Variants in HECW1 observed in about 807,000 individuals in gnomAD.
The protein encoded by HECW1 is E3 ubiquitin-protein ligase HECW1.
Under a neutral mutation model 182.3 loss-of-function variants are expected in HECW1, and 61 were observed. The ratio of observed to expected loss-of-function variants is 0.33; its 90% CI spans 0.27 to 0.41. The LOEUF (loss-of-function observed/expected upper bound fraction) is 0.41, where lower values mean the gene tolerates loss of function less well. HECW1 is among the 10% of genes least tolerant of loss of function. The pLI is 1.00. For synonymous variants in HECW1, 859 were observed against 832.6 expected (o/e 1.03, Z -0.55); for missense variants, 1,739 against 2,108.9 (o/e 0.82, Z 3.44).
chr7:43,553,159 A>G (rs1407584767), intron 28 of HECW1, among the ~76,000 whole-genome samples: 1 of 152,150 alleles, frequency 6.6e-6, no homozygotes, highest in African/African-American at 2.4e-5. Flanking sequence ...TTCCTGAAAC[A>G]TTGTTTTCAT....
intron 17 of HECW1, among the ~76,000 whole-genome samples, chr7:43,490,292 C>A (rs528775820): frequency 6.6e-6 from 1 of 152,310 alleles, no homozygotes; most frequent in African/African-American, 2.4e-5. Context: ...CATTCCCCAA[C>A]CGTAAATGCT....
intron 2 of HECW1, chr7:43,240,934 G>T: frequency 6.6e-6 from 1 of 152,514 alleles, no homozygotes; most frequent in Non-Finnish European, 1.5e-5. Flanking sequence ...GCCCTGTGCC[G>T]AGCACTCCTA....
intron 8 of HECW1, among the ~76,000 whole-genome samples, chr7:43,418,546 T>C (rs1305300825): frequency 6.6e-6 from 1 of 152,220 alleles, no homozygotes; most frequent in Non-Finnish European, 1.5e-5. Flanking sequence ...ATGATTTCTA[T>C]TGATCTATCT....
At chr7:43,248,111 AAAG>A in intron 3 of HECW1, among the ~76,000 whole-genome samples, 1 of 152,056 alleles carries the variant, frequency 6.6e-6, no homozygotes, top group East Asian at 1.9e-4. Flanking sequence ...AGAGAAAGAC[AAAG>A]GAGAGGAGGA....
chr7:43,194,839 G>A (rs776885482), intron 2 of HECW1, among the ~76,000 whole-genome samples: 6 of 151,906 alleles, frequency 3.9e-5, no homozygotes, highest in African/African-American at 9.7e-5. Flanking sequence ...GATTACAGGC[G>A]CCTGCCCCCA....
chr7:43,234,872 C>T (rs1179294526), intron 2 of HECW1, among the ~76,000 whole-genome samples: 1 of 152,168 alleles, frequency 6.6e-6, no homozygotes, highest in Admixed American at 6.5e-5. Flanking sequence ...GAATGAAAAG[C>T]CCCCTCCACA....
At position 43,438,107 on chromosome 7, in the gene HECW1, G is replaced by A. The variant is rs1483983058; in HGVS notation, c.906G>A (p.Ser302=). ...PIIKRFLGKL[S]MPVQRLLERH... is the part of the protein sequence containing the mutation. Reference sequence around the variant, plus strand: ...TCAAGCGCTTCTTGGGAAAGCTGTCGATGCCCGTTCAAAGACTCCTGGAGA... The same window carrying A: ...TCAAGCGCTTCTTGGGAAAGCTGTCAATGCCCGTTCAAAGACTCCTGGAGA... The change falls in exon 9 of 30, where the codon TCG becomes TCA. Residue 302 remains serine (S), a synonymous_variant. Coordinates refer to ENST00000395891, the MANE Select transcript of HECW1 (RefSeq NM_015052.5). 5.6e-6 allele frequency: 9 copies of A among 1,613,984 alleles called. No individual in the cohort carries two copies. In the African/African-American group the frequency reaches 6.7e-5, roughly 12 times the overall value.
At chr7:43,421,989 C>T (rs1298680905) in intron 8 of HECW1, among the ~76,000 whole-genome samples, 1 of 152,120 alleles carries the variant, frequency 6.6e-6, no homozygotes, top group Non-Finnish European at 1.5e-5. Context: ...TCTTTAATAT[C>T]CCTTTGCTTA....
At chr7:43,331,083 C>T (rs987648264) in intron 5 of HECW1, among the ~76,000 whole-genome samples, 3 of 151,762 alleles carry the variant, frequency 2.0e-5, no homozygotes, top group Non-Finnish European at 4.4e-5. Context: ...TGTGCTGCAC[C>T]CATTAACTCG....
intron 8 of HECW1, 56 bp downstream of exon 8, chr7:43,407,787 G>A: frequency 2.1e-6 from 3 of 1,448,322 alleles, no homozygotes; most frequent in Non-Finnish European, 2.9e-6. Context: ...GGCTGACTGT[G>A]AACCAGCCCT....
chr7:43,552,207 T>C lies in HECW1; in HGVS notation c.4396-15T>C, dbSNP rs1203497564. On this transcript the variant is annotated splice_polypyrimidine_tract_variant and intron_variant, in intron 27 of 29. Coordinates refer to ENST00000395891, the MANE Select transcript of HECW1 (RefSeq NM_015052.5). The stretch of plus-strand genomic sequence containing the variant: ...GTGTTTGGACCTGGATGCTGAAGCC[T>C]AACCTGCATTTCAGGTTGTAGACTC... 6.5e-7 allele frequency: 1 copy of C among 1,529,576 alleles called. No individual in the cohort carries two copies. Among genetic ancestry groups the C allele is most frequent in the Admixed American group, 1.7e-5 (1 of 59,954 alleles). The allele number at this position is 1,529,576 out of a possible 1,614,324, so 94.8% of individuals were successfully genotyped here. A position where few individuals can be genotyped will look rare whatever the true frequency, so the allele number is the denominator to read the frequency against.
At chr7:43,259,805 C>T (rs182208693) in intron 3 of HECW1, among the ~76,000 whole-genome samples, 101 of 152,244 alleles carry the variant, frequency 6.6e-4, no homozygotes, top group Middle Eastern at 6.8e-3. Flanking sequence ...AAACACTTTA[C>T]CCATCATCAA....
At chr7:43,531,405 A>G (rs1419432780) in intron 24 of HECW1, among the ~76,000 whole-genome samples, 1 of 152,206 alleles carries the variant, frequency 6.6e-6, no homozygotes, top group East Asian at 1.9e-4. Flanking sequence ...CTCAAAATGA[A>G]TGAGTACCTT....
Position 43,328,004 on chromosome 7 carries a change from A to T in HECW1, c.460+7262A>T, listed in dbSNP as rs1811015619. 2.1e-5 allele frequency among the ~76,000 whole-genome samples: 3 copies of T among 144,006 alleles called. No homozygotes were observed. The South Asian group carries it at 6.4e-4, about 31-fold the overall frequency. 94.5% of individuals were successfully genotyped at this position (144,006 alleles called of 152,430 possible). ...TTATTATTATTATCATTATTATTTTAGTTTTAGGATGACATGATAAAACGG... is the reference window on the plus strand; with the variant it reads ...TTATTATTATTATCATTATTATTTTTGTTTTAGGATGACATGATAAAACGG... On this transcript the variant is annotated intron_variant, in intron 5 of 29. Transcript: ENST00000395891.
At chr7:43,356,600 A>G (rs1294822013) in intron 5 of HECW1, among the ~76,000 whole-genome samples, 1 of 152,226 alleles carries the variant, frequency 6.6e-6, no homozygotes, top group Admixed American at 6.5e-5. Context: ...CATTTTTTCT[A>G]TCAACACATG....
At chr7:43,383,385 T>C (rs2074637791) in intron 6 of HECW1, among the ~76,000 whole-genome samples, 1 of 152,192 alleles carries the variant, frequency 6.6e-6, no homozygotes. Context: ...TTGAACTAAT[T>C]TACACTCCCA....
chr7:43,357,727 TTATAA>T (rs1392230069), intron 5 of HECW1, among the ~76,000 whole-genome samples: 4 of 151,770 alleles, frequency 2.6e-5, no homozygotes, highest in African/African-American at 7.2e-5. Context: ...TTATATGTAT[TTATAA>T]TATGTTTCCA....
intron 3 of HECW1, among the ~76,000 whole-genome samples, chr7:43,248,435 T>C (rs1015756234): frequency 6.6e-6 from 1 of 152,174 alleles, no homozygotes; most frequent in Non-Finnish European, 1.5e-5. Context: ...ATCCTGGGTC[T>C]AGAACGTATC....
rs1227085420 is a variant in HECW1 at position 43,488,477 on chromosome 7, AAAGAAAG to A, written c.3235-3595_3235-3589del. ...GAAAGAAAGAAAGAAAGAAAGAAAGAAAGAAAGAAAGAGAAAGAAAGAAAGAAAAGAA... is the reference window on the plus strand; with the variant it reads ...GAAAGAAAGAAAGAAAGAAAGAAAGAAAAGAGAAAGAAAGAAAGAAAAGAA... On this transcript the variant is annotated intron_variant, in intron 17 of 29. Coordinates refer to ENST00000395891, the MANE Select transcript of HECW1 (RefSeq NM_015052.5). Among the ~76,000 whole-genome samples, 147 of 147,980 alleles carry A rather than the reference AAAGAAAG, an allele frequency of 9.9e-4. 1 individual carries two copies. Among genetic ancestry groups the A allele is most frequent in the Middle Eastern group, 6.9e-3 (2 of 288 alleles).
Sources: gnomAD v4.1 joint callset for allele counts (sites outside exome capture counted in the v4.1 genomes callset) on GRCh38, gnomAD v4.1.1 for gene constraint, MANE v1.5 for transcripts, NCBI Gene and HGNC (gene_info 2026-07-23, HGNC 2026-07-21) for gene names.